Variants in MSI2 observed in about 807,000 individuals in gnomAD.
MSI2 encodes RNA-binding protein Musashi homolog 2.
In MSI2, 17 loss-of-function variants were observed where a neutral mutation model predicts 45.6. That is an observed-to-expected ratio of 0.37 (90% CI 0.26 to 0.56). The LOEUF (loss-of-function observed/expected upper bound fraction) is 0.56, where lower values mean the gene tolerates loss of function less well. Ranked by LOEUF, MSI2 falls within the 20% of genes least tolerant of loss-of-function variation. The probability of loss-of-function intolerance (pLI) is 0.77; values close to 1 mark genes in which losing one functional copy is unlikely to be tolerated. For synonymous variants in MSI2, 156 were observed against 158.2 expected (o/e 0.99, Z 0.11); for missense variants, 293 against 444.2 (o/e 0.66, Z 3.06).
Position 57,519,428 on chromosome 17 carries a change from G to A in MSI2, c.406-10248G>A, listed in dbSNP as rs543599532. ...CTGAGTATCCTTAGAGTCACTGCAC[G>A]GGGCGGGGAGACTCGCATGGCTGAG... On this transcript the variant is annotated intron_variant, in intron 6 of 13. Coordinates refer to ENST00000284073, the MANE Select transcript of MSI2 (RefSeq NM_138962.4). 3.9e-5 allele frequency among the ~76,000 whole-genome samples: 6 copies of A among 152,228 alleles called. No homozygotes were observed. In the South Asian group the frequency reaches 6.3e-4, roughly 16 times the overall value.
chr17:57,361,141 G>A lies in MSI2; in HGVS notation c.313-40238G>A, dbSNP rs1194076793. Among the ~76,000 whole-genome samples, 3 of 152,092 alleles carry A rather than the reference G, an allele frequency of 2.0e-5. No homozygotes were observed. The South Asian group carries it at 6.2e-4, about 31-fold the overall frequency. ...ACAACTCAAGGGTTACGGCCCCCCT[G>A]CACAGTTGAAAATCTGCGTATAACT... On this transcript the variant is annotated intron_variant, in intron 5 of 13. Coordinates refer to ENST00000284073, the MANE Select transcript of MSI2 (RefSeq NM_138962.4).
chr17:57,491,036 G>A (rs1288282531), intron 6 of MSI2, among the ~76,000 whole-genome samples: 1 of 152,230 alleles, frequency 6.6e-6, no homozygotes, highest in East Asian at 1.9e-4. Context: ...GGACGGATGG[G>A]AGGTGTCACA....
intron 5 of MSI2, among the ~76,000 whole-genome samples, chr17:57,297,659 A>G (rs1251829005): frequency 2.6e-5 from 4 of 152,306 alleles, no homozygotes; most frequent in Admixed American, 1.3e-4. Context: ...TGTAGCATGC[A>G]ATGCTGTTTG....
chr17:57,558,498 G>A (rs936398842), intron 7 of MSI2, among the ~76,000 whole-genome samples: 2 of 152,268 alleles, frequency 1.3e-5, no homozygotes, highest in Admixed American at 6.5e-5. Context: ...TTGCCTAGAG[G>A]TGGGGATGAG....
At chr17:57,315,233 C>T (rs559275422) in intron 5 of MSI2, among the ~76,000 whole-genome samples, 21 of 152,180 alleles carry the variant, frequency 1.4e-4, no homozygotes, top group Non-Finnish European at 2.1e-4. Context: ...GCAGCCCTGC[C>T]GGATACCAAT....
At chr17:57,327,740 TC>T (rs1264264018) in intron 5 of MSI2, among the ~76,000 whole-genome samples, 1 of 152,164 alleles carries the variant, frequency 6.6e-6, no homozygotes, top group Non-Finnish European at 1.5e-5. Context: ...GCCTCCAAGG[TC>T]ATTGGCTGAT....
chr17:57,278,237 TA>T (rs1909053163), intron 5 of MSI2: 2 of 152,424 alleles, frequency 1.3e-5, no homozygotes, highest in African/African-American at 4.8e-5. Context: ...TTGAGCTCCA[TA>T]GATTGACATT....
intron 6 of MSI2, among the ~76,000 whole-genome samples, chr17:57,414,497 C>G (rs547894260): frequency 6.6e-6 from 1 of 152,080 alleles, no homozygotes; most frequent in East Asian, 1.9e-4. Context: ...TCAAGCAACT[C>G]TCCTGCCTCA....
chr17:57,553,069 G>A (rs1001837340), intron 7 of MSI2, among the ~76,000 whole-genome samples: 5 of 152,178 alleles, frequency 3.3e-5, no homozygotes, highest in Admixed American at 6.5e-5. Context: ...AATGAGAGAC[G>A]CCTGGCCTAT....
chr17:57,388,721 T>C (rs34350335), intron 5 of MSI2, among the ~76,000 whole-genome samples: 11,906 of 152,192 alleles, frequency 0.078, 582 homozygotes, highest in Non-Finnish European at 0.11. Context: ...TGGTGCCAAC[T>C]TGGCTCACTG....
chr17:57,463,980 G>A (rs75770747), intron 6 of MSI2, among the ~76,000 whole-genome samples: 5,750 of 149,440 alleles, frequency 0.038, 194 homozygotes, highest in South Asian at 0.15. Flanking sequence ...GTTTGGTTCA[G>A]TTTAATGAAC....
At position 57,529,547 on chromosome 17, in the gene MSI2, A is replaced by G; in HGVS notation, c.406-129A>G. 1 of 808,680 alleles carries G rather than the reference A, an allele frequency of 1.2e-6. No individual in the cohort carries two copies. Among genetic ancestry groups the G allele is most frequent in the Non-Finnish European group, 2.0e-6 (1 of 497,056 alleles). 50.1% of individuals were successfully genotyped at this position (808,680 alleles called of 1,614,324 possible). ...TTCTTTCTACTTTTTTGCATTTTCAAATATTTTTTGATAAGCAACTATTAC... is the reference window on the plus strand; with the variant it reads ...TTCTTTCTACTTTTTTGCATTTTCAGATATTTTTTGATAAGCAACTATTAC... On this transcript the variant is annotated intron_variant, in intron 6 of 13. Transcript: ENST00000284073. The surrounding 1 kb of genome is among the most constrained non-coding windows in gnomAD (Gnocchi z 5.3).
At chr17:57,470,907 T>G (rs1278488386) in intron 6 of MSI2, among the ~76,000 whole-genome samples, 1 of 152,094 alleles carries the variant, frequency 6.6e-6, no homozygotes, top group Non-Finnish European at 1.5e-5. Context: ...GTAGGGCCCT[T>G]ATGGAGGTTA....
intron 6 of MSI2, chr17:57,450,283 GAAAGAAAGAAAGAAAGAAAGAAAGAAA>G: frequency 7.6e-6 from 1 of 131,668 alleles, no homozygotes; most frequent in East Asian, 2.1e-4. Context: ...AAGAAAGAAA[GAAAGAAAGAAAGAAAGAAAGAAAGAAA>G]GAAAGAAAGA....
chr17:57,513,172 C>G (rs922037511), intron 6 of MSI2, among the ~76,000 whole-genome samples: 5 of 151,988 alleles, frequency 3.3e-5, no homozygotes, highest in Non-Finnish European at 7.4e-5. Flanking sequence ...TGGGGTTTCA[C>G]CGTGTTGGTT....
intron 7 of MSI2, among the ~76,000 whole-genome samples, chr17:57,589,968 G>T (rs150082899): frequency 3.9e-4 from 60 of 152,300 alleles, no homozygotes; most frequent in Middle Eastern, 6.8e-3. Flanking sequence ...CCACACCCAA[G>T]GGATTCATTT....
intron 6 of MSI2, among the ~76,000 whole-genome samples, chr17:57,411,686 C>A (rs187678093): frequency 5.9e-5 from 9 of 152,060 alleles, no homozygotes; most frequent in African/African-American, 1.9e-4. Context: ...TTGGGGTGGC[C>A]CTGACCAGTT....
At chr17:57,528,520 T>C (rs749735531) in intron 6 of MSI2, among the ~76,000 whole-genome samples, 4 of 152,016 alleles carry the variant, frequency 2.6e-5, no homozygotes, top group Admixed American at 6.6e-5. Context: ...CATCAGTGTA[T>C]TTGTTTGCTA....
intron 5 of MSI2, chr17:57,266,600 A>T (rs1332685555): frequency 1.3e-5 from 2 of 152,224 alleles, no homozygotes; most frequent in Non-Finnish European, 1.5e-5. Flanking sequence ...ACCTCAGGTG[A>T]TCCACCTGCC....
Sources: allele counts gnomAD v4.1 joint callset (sites outside exome capture counted in the v4.1 genomes callset), GRCh38; gene constraint gnomAD v4.1.1; non-coding constraint Gnocchi (gnomAD v3.1); transcripts MANE v1.5; gene names NCBI Gene and HGNC (gene_info 2026-07-23, HGNC 2026-07-21).